Variants in ANO1 observed in about 807,000 individuals in gnomAD.
The protein encoded by ANO1 is anoctamin-1.
In ANO1, 59 loss-of-function variants were observed where a neutral mutation model predicts 124.0. The observed-to-expected ratio is 0.48, with a 90% CI of 0.39 to 0.59. The LOEUF (loss-of-function observed/expected upper bound fraction) is 0.59, where lower values mean the gene tolerates loss of function less well. Ranked by LOEUF, ANO1 falls within the 20% of genes least tolerant of loss-of-function variation. ANO1 has a pLI of 0.00. For synonymous variants in ANO1, 529 were observed against 532.0 expected (o/e 0.99, Z 0.08); for missense variants, 1,059 against 1,328.0 (o/e 0.80, Z 3.15).
chr11:70,026,191 G>A (rs1400224531), intron 1 of ANO1, among the ~76,000 whole-genome samples: 1 of 151,532 alleles, frequency 6.6e-6, no homozygotes, highest in Non-Finnish European at 1.5e-5. Context: ...TGATGATGAT[G>A]ATGGTGGTGG....
rs563068270 is a variant in ANO1, at chr11:70,007,575, C to T, written c.58+21409C>T. On this transcript the variant is annotated intron_variant, in intron 1 of 27. Coordinates refer to the ANO1 transcript ENST00000531349. ...GATTACAGGCGTGAGCCACCGCGCC[C>T]GGCCACCTCCTTTCTTTTTAAGGCT... is the stretch of plus-strand genomic sequence containing the variant. Among the ~76,000 whole-genome samples, 6 of 152,276 alleles carry T rather than the reference C, an allele frequency of 3.9e-5. No homozygotes were observed. In the East Asian group the frequency reaches 5.8e-4, roughly 15 times the overall value.
chr11:70,070,062 C>T (rs1400625834), intron 1 of ANO1, among the ~76,000 whole-genome samples: 1 of 152,194 alleles, frequency 6.6e-6, no homozygotes, highest in Non-Finnish European at 1.5e-5. Flanking sequence ...CAAAGACAGG[C>T]AGCCACTGTC....
At chr11:70,149,497 A>AAAGATTAG in intron 11 of ANO1, 1 of 517,526 alleles carries the variant, frequency 1.9e-6, no homozygotes, top group Non-Finnish European at 3.5e-6. Context: ...CTAAAAATAC[A>AAAGATTAG]AAGATTAGCT....
At chr11:70,165,414 T>A in intron 19 of ANO1, 56 bp from the exon 20 acceptor site, 1 of 1,459,328 alleles carries the variant, frequency 6.9e-7, no homozygotes, top group Non-Finnish European at 9.4e-7. Flanking sequence ...CCTGCAGGGC[T>A]GGGGTCCCTC....
Position 70,087,957 on chromosome 11 carries a change from G to A in ANO1, c.314G>A (p.Gly105Glu). ...VKQDHPLPGK[G>E]ASLDAGSGEP... ...CAGGACCACCCCCTGCCGGGCAAGGGGGCGTCGCTGGATGCAGGCTCGGGG... is the reference window on the plus strand; with the variant it reads ...CAGGACCACCCCCTGCCGGGCAAGGAGGCGTCGCTGGATGCAGGCTCGGGG... The change falls in exon 2 of 26, where the codon GGG becomes GAG. Residue 105 changes from glycine (G) to glutamate (E), a missense_variant. Gly to Glu is a moderately conservative substitution (Grantham distance 98). Transcript: ENST00000355303. The A allele has an allele frequency of 3.8e-6, 6 of 1,594,758 alleles. No homozygotes were observed. The highest frequency in any genetic ancestry group is 4.3e-6 in the Non-Finnish European group (5 of 1,169,946).
At chr11:70,005,349 T>C (rs1554999898) in intron 1 of ANO1, among the ~76,000 whole-genome samples, 1 of 152,198 alleles carries the variant, frequency 6.6e-6, no homozygotes, top group Non-Finnish European at 1.5e-5. Flanking sequence ...CAAACTGATA[T>C]ATCAGAGCAT....
intron 10 of ANO1, among the ~76,000 whole-genome samples, 155 bp from the exon 11 acceptor site, chr11:70,131,764 A>T (rs2046767616): frequency 6.6e-6 from 1 of 152,160 alleles, no homozygotes; most frequent in Non-Finnish European, 1.5e-5. Flanking sequence ...GGGCATGGCT[A>T]AGCACCCGGC....
At chr11:70,006,917 G>GAAGT (rs1856502850) in intron 1 of ANO1, among the ~76,000 whole-genome samples, 1 of 151,964 alleles carries the variant, frequency 6.6e-6, no homozygotes, top group African/African-American at 2.4e-5. Flanking sequence ...TGATCCGCCC[G>GAAGT]CCTCGGCCTC....
chr11:70,128,727 C>G (rs2046624543), intron 10 of ANO1, among the ~76,000 whole-genome samples: 1 of 152,246 alleles, frequency 6.6e-6, no homozygotes, highest in Non-Finnish European at 1.5e-5. Context: ...ACCTCCGGTC[C>G]TCTCTGAAGA....
the ANO1 span, among the ~76,000 whole-genome samples, chr11:69,969,900 T>C: frequency 6.6e-6 from 1 of 152,040 alleles, no homozygotes; most frequent in Admixed American, 6.5e-5. Context: ...TGAGCTGAGA[T>C]CATGCCACTG....
rs768132804 is a variant in ANO1 at position 70,161,256 on chromosome 11, C to T, written c.1674C>T (p.Ser558=). Residue 558 remains serine (S), a synonymous_variant, in exon 17 of 26, where the codon TCC becomes TCT. Transcript: ENST00000355303. The part of the protein sequence containing the change: ...LAMNSSPSVR[S]NIRVTVTATA... The stretch of plus-strand genomic sequence containing the variant: ...TGAACTCCTCCCCCTCCGTGCGGTC[C>T]AACATCCGGGTCACAGTCACAGCCA... 162 of 1,613,796 alleles carry T rather than the reference C, an allele frequency of 1.0e-4. No individual in the cohort carries two copies. Among genetic ancestry groups the T allele is most frequent in the Non-Finnish European group, 1.3e-4 (157 of 1,179,804 alleles).
At chr11:70,104,808 T>C (rs933997439) in intron 4 of ANO1, among the ~76,000 whole-genome samples, 21 of 151,938 alleles carry the variant, frequency 1.4e-4, no homozygotes, top group Non-Finnish European at 5.9e-5. Flanking sequence ...GCAGGAGGGC[T>C]CCTGGACAGT....
At chr11:70,057,653 A>G (rs1857472182) in intron 1 of ANO1, among the ~76,000 whole-genome samples, 1 of 152,134 alleles carries the variant, frequency 6.6e-6, no homozygotes, top group Non-Finnish European at 1.5e-5. Context: ...GGAGATCATG[A>G]GACTCATTGT....
chr11:70,167,168 C>T (rs1462588258), intron 20 of ANO1, 74 bp from the exon 21 acceptor site: 6 of 1,551,664 alleles, frequency 3.9e-6, no homozygotes, highest in Non-Finnish European at 5.2e-6. Flanking sequence ...AAAGACACAT[C>T]ACTAGAGGTG....
At chr11:70,006,663 C>CTTTTT (rs56851839) in intron 1 of ANO1, among the ~76,000 whole-genome samples, 8 of 88,994 alleles carry the variant, frequency 9.0e-5, no homozygotes, top group Non-Finnish European at 1.5e-4. Flanking sequence ...TTTCTTCTTT[C>CTTTTT]TTTTTTTTTT....
At chr11:70,168,694 C>A (rs1165601824) in intron 21 of ANO1, among the ~76,000 whole-genome samples, 1 of 152,162 alleles carries the variant, frequency 6.6e-6, no homozygotes, top group Non-Finnish European at 1.5e-5. Flanking sequence ...AATGCCCGTT[C>A]CCAGGCTTGT....
At chr11:70,037,564 C>T (rs1459710393) in intron 1 of ANO1, among the ~76,000 whole-genome samples, 3 of 152,064 alleles carry the variant, frequency 2.0e-5, no homozygotes, top group Non-Finnish European at 2.9e-5. Flanking sequence ...GAAAACACAA[C>T]CTTCAAGGGC....
intron 1 of ANO1, among the ~76,000 whole-genome samples, chr11:70,084,517 G>T (rs937449177): frequency 2.0e-5 from 3 of 152,050 alleles, no homozygotes; most frequent in Admixed American, 2.0e-4. Flanking sequence ...CCGCTGCTCC[G>T]CATTTAGCAG....
chr11:70,021,580 A>G, intron 1 of ANO1, among the ~76,000 whole-genome samples: 1 of 152,076 alleles, frequency 6.6e-6, no homozygotes, highest in East Asian at 1.9e-4. Flanking sequence ...TGTCCCCCGG[A>G]ACCTGGTCCA....
Sources: gnomAD v4.1 joint callset for allele counts (sites outside exome capture counted in the v4.1 genomes callset) on GRCh38, gnomAD v4.1.1 for gene constraint, MANE v1.5 for transcripts, NCBI Gene and HGNC (gene_info 2026-07-23, HGNC 2026-07-21) for gene names.